Variants in MATN1 observed in about 807,000 individuals in gnomAD.
MATN1 encodes matrilin 1, also known as matrilin-1.
MATN1 carries 34 observed loss-of-function variants against 41.3 expected under a neutral mutation model. That is an observed-to-expected ratio of 0.82 (90% CI 0.63 to 1.10). The LOEUF is 1.10. Among genes scored for constraint, MATN1 ranks in the 50% least tolerant of loss-of-function variants. The probability of loss-of-function intolerance (pLI) is 0.00; values close to 1 mark genes in which losing one functional copy is unlikely to be tolerated. For synonymous variants in MATN1, 264 were observed against 278.7 expected (o/e 0.95, Z 0.53); for missense variants, 602 against 662.4 (o/e 0.91, Z 1.00).
In MATN1 at chr1:30,721,684, A is replaced by G. The variant is rs1639697645; in HGVS notation, c.162T>C (p.Pro54=). 1 of 1,613,122 alleles carries G rather than the reference A, an allele frequency of 6.2e-7. No homozygotes were observed. Among genetic ancestry groups the G allele is most frequent in the African/African-American group, 1.3e-5 (1 of 74,934 alleles). Residue 54 remains proline (P), a synonymous_variant, in exon 2 of 8, where the codon CCT becomes CCC. Coordinates refer to ENST00000373765, the MANE Select transcript of MATN1 (RefSeq NM_002379.3). ...ATACCTTCACTTTCTCAAATTCAAC[A>G]GGCCGAACGCTGCGAGAGCTGTCGA... ...FVVDSSRSVR[P]VEFEKVKVFL...
rs1347378757 is a variant in MATN1 at position 30,713,567 on chromosome 1, T to C, written c.*15A>G. 6.4e-7 allele frequency: 1 copy of C among 1,552,786 alleles called. No homozygotes were observed. Among genetic ancestry groups the C allele is most frequent in the South Asian group, 1.2e-5 (1 of 84,108 alleles). On this transcript the variant is annotated 3_prime_UTR_variant, in exon 8 of 8. Coordinates refer to ENST00000373765, the MANE Select transcript of MATN1 (RefSeq NM_002379.3). ...TGCAGGACGCTTGGAGAGGCCACAG[T>C]GGTGACAGGCAGCCTTAGACAACTG...
At chr1:30,720,132 C>T (rs1426506643) in intron 2 of MATN1, 2 of 152,166 alleles carry the variant, frequency 1.3e-5, no homozygotes, top group African/African-American at 2.4e-5. Context: ...ACTGCCTCCT[C>T]GAGTCCCTAC....
In MATN1 at chr1:30,713,332, A is replaced by T; in HGVS notation, c.*250T>A. On this transcript the variant is annotated 3_prime_UTR_variant, in exon 8 of 8. Coordinates refer to ENST00000373765, the MANE Select transcript of MATN1 (RefSeq NM_002379.3). ...CACTCACCCCTGCATTATCACTCTCACACTCACATTCTGGCAAGACTCATG... is the reference window on the plus strand; with the variant it reads ...CACTCACCCCTGCATTATCACTCTCTCACTCACATTCTGGCAAGACTCATG... 1 of 555,452 alleles carries T rather than the reference A, an allele frequency of 1.8e-6. No individual in the cohort carries two copies. The highest frequency in any genetic ancestry group is 3.3e-6 in the Non-Finnish European group (1 of 306,892). The allele number at this position is 555,452 out of a possible 1,614,324, so 34.4% of individuals were successfully genotyped here.
chr1:30,714,013 C>A (rs1639586321), intron 7 of MATN1: 1 of 591,194 alleles, frequency 1.7e-6, no homozygotes, highest in Non-Finnish European at 3.0e-6. Flanking sequence ...GGTGTGTGTC[C>A]AGTCCCTAGA....
intron 3 of MATN1, 70 bp downstream of exon 3, chr1:30,718,665 C>A (rs1639656592): frequency 1.6e-6 from 2 of 1,235,344 alleles, no homozygotes; most frequent in Admixed American, 2.8e-5. Context: ...CCGCCTCCAG[C>A]CCTGGCCCCG....
At chr1:30,714,384 G>C (rs1375512781) in intron 6 of MATN1, 57 bp from the exon 7 acceptor site, 10 of 1,422,610 alleles carry the variant, frequency 7.0e-6, no homozygotes, top group Non-Finnish European at 9.8e-6. Context: ...CTGCCCAGGA[G>C]GAGGGAGGAC....
chr1:30,718,527 C>G, intron 3 of MATN1: 1 of 377,398 alleles, frequency 2.6e-6, no homozygotes, highest in African/African-American at 2.3e-5. Context: ...CGCCTCCGCC[C>G]CCGGCTCCTC....
Position 30,717,641 on chromosome 1 carries a change from G to GTTTTTTT in MATN1, c.665-727_665-726insAAAAAAA, listed in dbSNP as rs1557450696. ...GGGCTCTGTTGTTTTTTGTGTGTGCGGTTTTTTTTTTTGTTTTGTTTTTTT... is the reference window on the plus strand; with the variant it reads ...GGGCTCTGTTGTTTTTTGTGTGTGCGTTTTTTTGTTTTTTTTTTTGTTTTGTTTTTTT... On this transcript the variant is annotated intron_variant, in intron 3 of 7. Transcript: ENST00000373765. Among the ~76,000 whole-genome samples the GTTTTTTT allele has an allele frequency of 3.7e-5, 5 of 136,792 alleles. 1 individual carries two copies. Among genetic ancestry groups the GTTTTTTT allele is most frequent in the African/African-American group, 1.5e-4 (5 of 33,870 alleles). The allele number at this position is 136,792 out of a possible 152,430, so 89.7% of individuals were successfully genotyped here.
chr1:30,716,795 C>A lies in MATN1; in HGVS notation c.785G>T (p.Cys262Phe). The A allele has an allele frequency of 6.2e-7, 1 of 1,613,646 alleles. No individual in the cohort carries two copies. The highest frequency in any genetic ancestry group is 8.5e-7 in the Non-Finnish European group (1 of 1,179,834). The change falls in exon 4 of 8, where the codon TGC becomes TTC. Residue 262 changes from cysteine (C) to phenylalanine (F), a missense_variant. Cys to Phe is a radical substitution (Grantham distance 205). Transcript: ENST00000373765. Reference protein sequence around the residue: ...GFTLNSDGKTCNVCSGGGGSS... With the variant: ...GFTLNSDGKTFNVCSGGGGSS... The stretch of plus-strand genomic sequence containing the variant: ...CCTGTGTCCACCCCACTGACCATTG[C>A]AGGTCTTGCCGTCGCTGTTCAGAGT...
chr1:30,716,935 C>G lies in MATN1; in HGVS notation c.665-20G>C. ...ACACCACTGCGGGGACAATAAGTAGCTCAGATCTCACAGTCATAGTGCCTT... is the reference window on the plus strand; with the variant it reads ...ACACCACTGCGGGGACAATAAGTAGGTCAGATCTCACAGTCATAGTGCCTT... On this transcript the variant is annotated intron_variant, in intron 3 of 7. Coordinates refer to ENST00000373765, the MANE Select transcript of MATN1 (RefSeq NM_002379.3). The G allele has an allele frequency of 6.2e-7, 1 of 1,605,166 alleles. No individual in the cohort carries two copies. Among genetic ancestry groups the G allele is most frequent in the Non-Finnish European group, 8.5e-7 (1 of 1,175,522 alleles).
At chr1:30,713,940 C>A (rs1038775360) in intron 7 of MATN1, 18 of 579,832 alleles carry the variant, frequency 3.1e-5, no homozygotes, top group Non-Finnish European at 5.5e-5. Context: ...AGGCACGTCA[C>A]CATGAGCCTG....
chr1:30,715,179 C>CT lies in MATN1; in HGVS notation c.1337dup (p.Leu447ValfsTer40). On this transcript the variant is annotated frameshift_variant, in exon 6 of 8. Transcript: ENST00000373765. LOFTEE classifies it high-confidence loss of function. ...CACCCACACAGATCTTCTTCTGCAA[C>CT]TTCTTGCCTATCTGGTTGATGGTCT... 1.2e-6 allele frequency: 2 copies of CT among 1,614,244 alleles called. No homozygotes were observed. Among genetic ancestry groups the CT allele is most frequent in the Non-Finnish European group, 1.7e-6 (2 of 1,180,036 alleles).
At chr1:30,715,122 C>A in intron 6 of MATN1, 35 bp downstream of exon 6, 1 of 1,609,516 alleles carries the variant, frequency 6.2e-7, no homozygotes, top group Non-Finnish European at 8.5e-7. Flanking sequence ...GCCCCACCTG[C>A]AAATCCCATC....
intron 2 of MATN1, chr1:30,720,249 C>T (rs1477696674): frequency 6.6e-6 from 1 of 152,216 alleles, no homozygotes; most frequent in East Asian, 1.9e-4. Flanking sequence ...CCCAGCGCCG[C>T]TGTGTCACCT....
Position 30,717,651 on chromosome 1 carries a change from TTTGTTTTG to T in MATN1, c.665-744_665-737del, listed in dbSNP as rs1446735949. ...GTTTTTTGTGTGTGCGGTTTTTTTTTTTGTTTTGTTTTTTTTTTGAGACGGAGTCGTCT... is the reference window on the plus strand; with the variant it reads ...GTTTTTTGTGTGTGCGGTTTTTTTTTTTTTTTTTTTGAGACGGAGTCGTCT... On this transcript the variant is annotated intron_variant, in intron 3 of 7. Transcript: ENST00000373765. Among the ~76,000 whole-genome samples, 31 of 86,170 alleles carry T rather than the reference TTTGTTTTG, an allele frequency of 3.6e-4. 3 individuals are homozygous for T. The highest frequency in any genetic ancestry group is 1.1e-3 in the African/African-American group (26 of 23,796). The allele number at this position is 86,170 out of a possible 152,430, so 56.5% of individuals were successfully genotyped here.
chr1:30,719,203 A>T (rs1216465420), intron 2 of MATN1: 2 of 471,338 alleles, frequency 4.2e-6, no homozygotes, highest in Non-Finnish European at 7.5e-6. Context: ...GAGGGATGTG[A>T]TGCCCCATCG....
intron 1 of MATN1, among the ~76,000 whole-genome samples, chr1:30,722,095 G>A (rs1423015084): frequency 6.6e-6 from 1 of 152,220 alleles, no homozygotes; most frequent in African/African-American, 2.4e-5. Flanking sequence ...CAAGCAATGA[G>A]TATTCCAGGG....
At chr1:30,715,766 T>C in intron 5 of MATN1, 143 bp downstream of exon 5, 2 of 799,298 alleles carry the variant, frequency 2.5e-6, no homozygotes, top group Non-Finnish European at 3.9e-6. Context: ...TAAGAGAGAA[T>C]TGGACTAACC....
chr1:30,721,557 C>T lies in MATN1; in HGVS notation c.289G>A (p.Ala97Thr). Reference protein sequence around the residue: ...STVKQEFSLRAHVSKAALLQA... With the variant: ...STVKQEFSLRTHVSKAALLQA... ...AGCAGTGCGGCCTTGGAGACATGAG[C>T]CCGCAGCGAGAACTCCTGCTTCACG... The change falls in exon 2 of 8, where the codon GCT becomes ACT. Residue 97 changes from alanine to threonine, a missense_variant. Ala to Thr is a moderately conservative substitution (Grantham distance 58, BLOSUM62 0). Transcript: ENST00000373765. 4 of 1,613,348 alleles carry T rather than the reference C, an allele frequency of 2.5e-6. No individual in the cohort carries two copies. The South Asian group carries it at 4.4e-5, about 18-fold the overall frequency.
Sources: allele counts gnomAD v4.1 joint callset (sites outside exome capture counted in the v4.1 genomes callset), GRCh38; gene constraint gnomAD v4.1.1; transcripts MANE v1.5; gene names NCBI Gene and HGNC (gene_info 2026-07-23, HGNC 2026-07-21).